KLHL3: variants seen among roughly 807,000 people sequenced by gnomAD.
KLHL3 encodes kelch-like protein 3.
KLHL3 carries 19 observed loss-of-function variants against 70.5 expected under a neutral mutation model. The observed-to-expected ratio is 0.27, with a 90% CI of 0.19 to 0.40. The LOEUF is 0.40. KLHL3 is among the 10% of genes least tolerant of loss of function. KLHL3 has a pLI of 1.00. For synonymous variants in KLHL3, 258 were observed against 290.3 expected (o/e 0.89, Z 1.13); for missense variants, 512 against 771.1 (o/e 0.66, Z 3.98).
chr5:137,727,716 T>C (rs1406467266), intron 1 of KLHL3, among the ~76,000 whole-genome samples: 1 of 152,150 alleles, frequency 6.6e-6, no homozygotes, highest in African/African-American at 2.4e-5. Flanking sequence ...CTCACTAGAT[T>C]AGTTAAAATC....
At chr5:137,677,309 A>G (rs568004589) in intron 6 of KLHL3, 3 of 338,896 alleles carry the variant, frequency 8.9e-6, no homozygotes, top group Admixed American at 9.6e-5. Flanking sequence ...TTAGCTGGGC[A>G]TGGTGGCGGG....
At chr5:137,694,496 C>T (rs1283699189) in intron 4 of KLHL3, among the ~76,000 whole-genome samples, 1 of 152,168 alleles carries the variant, frequency 6.6e-6, no homozygotes, top group Non-Finnish European at 1.5e-5. Context: ...CTCAATTAAC[C>T]TGTGAGCTTG....
intron 6 of KLHL3, among the ~76,000 whole-genome samples, chr5:137,669,786 A>G (rs545934725): frequency 6.6e-6 from 1 of 152,350 alleles, no homozygotes; most frequent in African/African-American, 2.4e-5. Context: ...TTACAGAAAA[A>G]ATAAAGATTT....
chr5:137,636,908 C>T (rs763955594), intron 11 of KLHL3, among the ~76,000 whole-genome samples: 9 of 152,178 alleles, frequency 5.9e-5, no homozygotes, highest in Non-Finnish European at 7.4e-5. Flanking sequence ...AATATGAGGA[C>T]AAAATTAATT....
At chr5:137,734,392 GC>G (rs1456346601) in intron 1 of KLHL3, among the ~76,000 whole-genome samples, 1 of 151,524 alleles carries the variant, frequency 6.6e-6, no homozygotes, top group Non-Finnish European at 1.5e-5. Context: ...TGCACCAGCA[GC>G]ACAGTCAGTC....
At chr5:137,706,047 C>T in intron 3 of KLHL3, 2 of 985,438 alleles carry the variant, frequency 2.0e-6, no homozygotes, top group Non-Finnish European at 2.4e-6. Flanking sequence ...GGCACTCAGA[C>T]TTCAGTTTCA....
At chr5:137,662,082 A>G in intron 6 of KLHL3, 51 bp from the exon 7 acceptor site, 1 of 798,292 alleles carries the variant, frequency 1.3e-6, no homozygotes, top group Non-Finnish European at 2.0e-6. Context: ...AAAAGCTTTC[A>G]AACAACCCTC....
At chr5:137,627,602 G>A (rs1197097613) in intron 13 of KLHL3, among the ~76,000 whole-genome samples, 3 of 151,908 alleles carry the variant, frequency 2.0e-5, no homozygotes, top group Admixed American at 6.6e-5. Flanking sequence ...GGGAAGTTGG[G>A]CTAAGCCAAC....
chr5:137,647,782 T>A (rs1209358329), intron 8 of KLHL3: 2 of 357,986 alleles, frequency 5.6e-6, no homozygotes, highest in African/African-American at 4.3e-5. Context: ...GAGAACCAGG[T>A]AATATGAGGG....
At chr5:137,719,215 T>A (rs575286345) in intron 2 of KLHL3, among the ~76,000 whole-genome samples, 29 of 152,386 alleles carry the variant, frequency 1.9e-4, no homozygotes, top group Non-Finnish European at 4.1e-4. Flanking sequence ...TCCATCATAA[T>A]ACCTATTTGT....
At chr5:137,651,036 T>TA (rs1751188077) in intron 8 of KLHL3, among the ~76,000 whole-genome samples, 1 of 152,156 alleles carries the variant, frequency 6.6e-6, no homozygotes, top group Non-Finnish European at 1.5e-5. Context: ...AAGGAGGATA[T>TA]AAAGTAGGAT....
chr5:137,668,886 T>C (rs1417924325), intron 6 of KLHL3, among the ~76,000 whole-genome samples: 9 of 149,960 alleles, frequency 6.0e-5, no homozygotes, highest in Non-Finnish European at 7.5e-5. Flanking sequence ...GAATGTTTTT[T>C]AGCGAGCCAG....
chr5:137,645,076 C>T (rs1751010581), intron 8 of KLHL3, among the ~76,000 whole-genome samples: 2 of 152,160 alleles, frequency 1.3e-5, no homozygotes, highest in South Asian at 4.1e-4. Flanking sequence ...ATAATCATTT[C>T]AATAGATGCA....
chr5:137,643,298 G>A (rs1750963395), intron 8 of KLHL3, among the ~76,000 whole-genome samples: 1 of 150,754 alleles, frequency 6.6e-6, no homozygotes. Flanking sequence ...GCTGCAGTGA[G>A]TTGTGATTGC....
chr5:137,704,205 G>A (rs992301670), intron 3 of KLHL3, among the ~76,000 whole-genome samples: 5 of 152,042 alleles, frequency 3.3e-5, no homozygotes, highest in African/African-American at 1.2e-4. Context: ...CTAACAAGGT[G>A]AAACCCCGTC....
intron 10 of KLHL3, among the ~76,000 whole-genome samples, chr5:137,638,190 G>A (rs1750817209): frequency 6.6e-6 from 1 of 152,172 alleles, no homozygotes; most frequent in African/African-American, 2.4e-5. Context: ...CTCACTAAAG[G>A]CAGCCTCCAG....
intron 1 of KLHL3, among the ~76,000 whole-genome samples, chr5:137,730,001 A>T (rs1287261229): frequency 6.6e-6 from 1 of 152,186 alleles, no homozygotes; most frequent in Non-Finnish European, 1.5e-5. Context: ...CCACATGGAC[A>T]CGTAGAACAC....
At chr5:137,681,731 G>A (rs188086509) in intron 5 of KLHL3, among the ~76,000 whole-genome samples, 22 of 152,042 alleles carry the variant, frequency 1.4e-4, no homozygotes, top group Admixed American at 9.2e-4. Flanking sequence ...TTTTCTTATC[G>A]TTTCGCTTCT....
rs113474718 is a variant in KLHL3, at chr5:137,710,814, C to G, written c.135-958G>C. On this transcript the variant is annotated intron_variant, in intron 2 of 14. Transcript: ENST00000309755. Reference sequence around the variant, plus strand: ...ACATATTACTTCATCCTCTCTACCACCCCATGAGATAGGGCTAATTGTTAT... The same window carrying G: ...ACATATTACTTCATCCTCTCTACCAGCCCATGAGATAGGGCTAATTGTTAT... Among the ~76,000 whole-genome samples the G allele has an allele frequency of 7.7e-4, 117 of 152,292 alleles. 2 individuals carry two copies. The highest frequency in any genetic ancestry group is 2.6e-3 in the African/African-American group (110 of 41,548).
Sources: gnomAD v4.1 joint callset for allele counts (sites outside exome capture counted in the v4.1 genomes callset) on GRCh38, gnomAD v4.1.1 for gene constraint, MANE v1.5 for transcripts, NCBI Gene and HGNC (gene_info 2026-07-23, HGNC 2026-07-21) for gene names.